The following AFG1L variants were observed in gnomAD, a reference collection of about 807,000 sequenced individuals.
The protein encoded by AFG1L is AFG1-like ATPase.
Under a neutral mutation model 62.2 loss-of-function variants are expected in AFG1L, and 53 were observed. That is an observed-to-expected ratio of 0.85 (90% confidence interval 0.68 to 1.07). AFG1L has a LOEUF of 1.07. Ranked by LOEUF, AFG1L falls within the 50% of genes least tolerant of loss-of-function variation. The pLI is 0.00. For synonymous variants in AFG1L, 228 were observed against 210.3 expected, an observed-to-expected ratio of 1.08 and a Z score of -0.73; for missense variants, 555 against 590.5, an observed-to-expected ratio of 0.94 and a Z score of 0.62.
intron 11 of AFG1L, 118 bp downstream of exon 11, chr6:108,510,470 C>T: frequency 1.4e-6 from 1 of 729,366 alleles, no homozygotes; most frequent in South Asian, 2.0e-5. Context: ...TTTGTGCCTC[C>T]ATTCCCTCAT....
intron 10 of AFG1L, among the ~76,000 whole-genome samples, chr6:108,482,131 T>A (rs1773344752): frequency 6.6e-6 from 1 of 152,220 alleles, no homozygotes; most frequent in South Asian, 2.1e-4. Context: ...TGATAATTGT[T>A]TAATTAAATG....
chr6:108,317,003 C>G (rs1014909746), intron 1 of AFG1L, among the ~76,000 whole-genome samples: 1 of 152,080 alleles, frequency 6.6e-6, no homozygotes, highest in African/African-American at 2.4e-5. Flanking sequence ...CTCCAAGACA[C>G]GTACCTCCCC....
intron 7 of AFG1L, among the ~76,000 whole-genome samples, chr6:108,432,099 A>G (rs1771103538): frequency 6.6e-6 from 1 of 151,256 alleles, no homozygotes; most frequent in Admixed American, 6.6e-5. Flanking sequence ...ATTTTTAGTG[A>G]CATATCCAGA....
chr6:108,449,353 T>G (rs1168330643), intron 8 of AFG1L, among the ~76,000 whole-genome samples: 1 of 152,084 alleles, frequency 6.6e-6, no homozygotes, highest in East Asian at 1.9e-4. Flanking sequence ...TAGTCAAGAA[T>G]AGAAAGCCTG....
At chr6:108,426,343 G>A (rs1250767632) in intron 7 of AFG1L, among the ~76,000 whole-genome samples, 1 of 152,128 alleles carries the variant, frequency 6.6e-6, no homozygotes, top group Non-Finnish European at 1.5e-5. Flanking sequence ...TGTATAGTGG[G>A]AACTTCCTAT....
At chr6:108,341,310 G>A (rs548478374) in intron 2 of AFG1L, among the ~76,000 whole-genome samples, 11 of 152,252 alleles carry the variant, frequency 7.2e-5, no homozygotes, top group African/African-American at 2.6e-4. Context: ...GGTTTGTTGG[G>A]TTTAGAGTTT....
chr6:108,323,472 G>A lies in AFG1L; in HGVS notation c.140-353G>A, dbSNP rs575973866. Among the ~76,000 whole-genome samples the A allele has an allele frequency of 2.1e-4, 32 of 151,826 alleles. No individual in the cohort carries two copies. The South Asian group carries it at 5.0e-3, about 24-fold the overall frequency. On this transcript the variant is annotated intron_variant, in intron 1 of 12. Coordinates refer to ENST00000368977, the MANE Select transcript of AFG1L (RefSeq NM_145315.5). ...CCTGCCTCCCAGGTTCAAGCAATTC[G>A]TGCCTCAGCCCCCCAGGTAGCTGGG...
intron 1 of AFG1L, among the ~76,000 whole-genome samples, chr6:108,311,589 G>A (rs921774266): frequency 6.6e-6 from 1 of 150,984 alleles, no homozygotes; most frequent in African/African-American, 2.4e-5. Context: ...CTTAAACTCC[G>A]GGGCTCAAGC....
chr6:108,425,021 T>C (rs1770750709), intron 7 of AFG1L, among the ~76,000 whole-genome samples: 1 of 152,148 alleles, frequency 6.6e-6, no homozygotes, highest in Non-Finnish European at 1.5e-5. Flanking sequence ...GGAAGAAAGC[T>C]AAAAATGTTT....
chr6:108,414,947 AG>A (rs1163806279), intron 7 of AFG1L, among the ~76,000 whole-genome samples: 3 of 152,192 alleles, frequency 2.0e-5, no homozygotes, highest in African/African-American at 7.2e-5. Flanking sequence ...AAAGAAATAA[AG>A]GGTATTCAAT....
At chr6:108,383,915 CAG>C (rs1024443383) in intron 6 of AFG1L, among the ~76,000 whole-genome samples, 12 of 152,060 alleles carry the variant, frequency 7.9e-5, no homozygotes, top group African/African-American at 2.4e-4. Flanking sequence ...ATTTCACTGA[CAG>C]GGAATATAAA....
chr6:108,398,850 C>T (rs9486874), intron 6 of AFG1L, among the ~76,000 whole-genome samples: 53,538 of 151,938 alleles, frequency 0.35, 9,865 homozygotes, highest in Non-Finnish European at 0.42. Flanking sequence ...TTGTCTATAG[C>T]TTTGTAGTAT....
chr6:108,505,719 G>A (rs1774393114), intron 10 of AFG1L, among the ~76,000 whole-genome samples: 1 of 152,124 alleles, frequency 6.6e-6, no homozygotes, highest in Admixed American at 6.5e-5. Flanking sequence ...AGGGCTCAAG[G>A]GATGAGCTTA....
intron 8 of AFG1L, 101 bp from the exon 9 acceptor site, chr6:108,476,764 T>C (rs1773118973): frequency 2.6e-6 from 2 of 774,780 alleles, no homozygotes; most frequent in Non-Finnish European, 4.5e-6. Context: ...AACATCCTGT[T>C]CTTTTTTTTT....
At chr6:108,315,621 C>T (rs1777560363) in intron 1 of AFG1L, among the ~76,000 whole-genome samples, 1 of 151,992 alleles carries the variant, frequency 6.6e-6, no homozygotes, top group Non-Finnish European at 1.5e-5. Flanking sequence ...TCCTTTGTTG[C>T]CCAGGCTGGA....
chr6:108,400,530 A>G (rs1200877470), intron 6 of AFG1L, among the ~76,000 whole-genome samples: 1 of 142,962 alleles, frequency 7.0e-6, no homozygotes, highest in Non-Finnish European at 1.5e-5. Context: ...CCTTGATATC[A>G]AATATATAAT....
chr6:108,366,568 G>GTT (rs66847640), intron 6 of AFG1L, among the ~76,000 whole-genome samples: 104 of 145,278 alleles, frequency 7.2e-4, no homozygotes, highest in South Asian at 1.7e-3. Flanking sequence ...CTGTTTTTTT[G>GTT]TTTTTTTTTT....
intron 7 of AFG1L, among the ~76,000 whole-genome samples, chr6:108,419,845 G>A (rs1311898798): frequency 6.6e-6 from 1 of 152,038 alleles, no homozygotes; most frequent in Non-Finnish European, 1.5e-5. Flanking sequence ...TATTCCCATG[G>A]TGTGATTTCC....
intron 2 of AFG1L, among the ~76,000 whole-genome samples, 155 bp downstream of exon 2, chr6:108,324,203 G>T (rs1392914263): frequency 6.6e-6 from 1 of 152,180 alleles, no homozygotes; most frequent in Non-Finnish European, 1.5e-5. Flanking sequence ...CTGGCCTTTT[G>T]ATGTTCCATA....
Sources: gnomAD v4.1 joint callset for allele counts (sites outside exome capture counted in the v4.1 genomes callset) on GRCh38, gnomAD v4.1.1 for gene constraint, MANE v1.5 for transcripts, NCBI Gene and HGNC (gene_info 2026-07-23, HGNC 2026-07-21) for gene names.